Variants in GNB1L observed in about 807,000 individuals in gnomAD.
GNB1L encodes the protein G protein subunit beta 1 like.
A neutral mutation model predicts 29.1 loss-of-function variants in GNB1L; 20 were observed. The observed-to-expected ratio is 0.69, with a 90% CI of 0.48 to 1.00. The LOEUF is 1.00. Among genes scored for constraint, GNB1L ranks in the 50% least tolerant of loss-of-function variants. The probability of loss-of-function intolerance (pLI) is 0.00; values close to 1 mark genes in which losing one functional copy is unlikely to be tolerated. For missense variants in GNB1L, 421 were observed against 464.9 expected (o/e 0.91, Z 0.87); for synonymous variants, 193 against 206.5 (o/e 0.93, Z 0.56).
At chr22:19,852,098 G>A in intron 2 of GNB1L, 1 of 1,614,238 alleles carries the variant, frequency 6.2e-7, no homozygotes, top group Non-Finnish European at 8.5e-7. Flanking sequence ...CACACACACG[G>A]TGTCCCCACA....
chr22:19,806,576 CG>C, intron 6 of GNB1L, 82 bp downstream of exon 6: 1 of 863,800 alleles, frequency 1.2e-6, no homozygotes, highest in Non-Finnish European at 1.8e-6. Context: ...AGTGGCTCGA[CG>C]ATAAATCAGA....
At chr22:19,806,570 G>A in intron 6 of GNB1L, 89 bp downstream of exon 6, 1 of 805,982 alleles carries the variant, frequency 1.2e-6, no homozygotes, top group Non-Finnish European at 2.0e-6. Flanking sequence ...TGCCTGAGTG[G>A]CTCGACGATA....
chr22:19,833,458 C>A (rs1395760948), intron 2 of GNB1L, among the ~76,000 whole-genome samples: 1 of 151,994 alleles, frequency 6.6e-6, no homozygotes, highest in Non-Finnish European at 1.5e-5. Context: ...GTAATCTCTG[C>A]ACTTTGGGAG....
At chr22:19,851,065 C>T in intron 2 of GNB1L, 1 of 1,464,082 alleles carries the variant, frequency 6.8e-7, no homozygotes, top group African/African-American at 1.4e-5. Flanking sequence ...GGTCTGAAGT[C>T]ATCTGGGGAC....
chr22:19,852,149 G>A (rs1471669159), intron 2 of GNB1L: 15 of 1,614,010 alleles, frequency 9.3e-6, no homozygotes, highest in Non-Finnish European at 1.3e-5. Flanking sequence ...GGGGGTGTAT[G>A]CCACCCCAGG....
At chr22:19,811,769 C>T (rs1359394982) in intron 5 of GNB1L, among the ~76,000 whole-genome samples, 1 of 151,116 alleles carries the variant, frequency 6.6e-6, no homozygotes, top group East Asian at 2.0e-4. Context: ...ACCCACCCAT[C>T]CCAGCCCTGG....
intron 6 of GNB1L, among the ~76,000 whole-genome samples, chr22:19,802,633 C>T (rs1937387930): frequency 6.6e-6 from 1 of 152,246 alleles, no homozygotes; most frequent in Non-Finnish European, 1.5e-5. Flanking sequence ...AGGGACCTGT[C>T]CTCCTGCCTC....
chr22:19,806,596 G>A (rs1937437462), intron 6 of GNB1L, 63 bp downstream of exon 6: 26 of 994,934 alleles, frequency 2.6e-5, no homozygotes, highest in Admixed American at 1.4e-4. Context: ...GATCCTGAAT[G>A]GAGCATGACT....
At chr22:19,844,037 C>T (rs924515258) in intron 2 of GNB1L, among the ~76,000 whole-genome samples, 1 of 152,176 alleles carries the variant, frequency 6.6e-6, no homozygotes, top group Non-Finnish European at 1.5e-5. Flanking sequence ...GGGCTGGCCA[C>T]CAGCACTTCT....
chr22:19,840,578 G>C (rs369174890), intron 2 of GNB1L, among the ~76,000 whole-genome samples: 2 of 152,290 alleles, frequency 1.3e-5, no homozygotes, highest in African/African-American at 2.4e-5. Context: ...GGGAGGTCGA[G>C]GCGGGTGGAT....
intron 5 of GNB1L, 31 bp from the exon 6 acceptor site, chr22:19,806,788 C>T (rs776946122): frequency 1.8e-5 from 27 of 1,478,042 alleles, no homozygotes; most frequent in Non-Finnish European, 2.1e-5. Flanking sequence ...TGATTTGGGC[C>T]GTCGCCAAGT....
rs1937189532 is a variant in GNB1L at position 19,786,073 on chromosome 22, C to T, written c.*2636G>A. On this transcript the variant is annotated 3_prime_UTR_variant, in exon 8 of 8. Transcript: ENST00000329517. ...CAGCTCAGCCAGGTGAATGAAAGTC[C>T]TGGGCCTGCCCTCCACAGGACGTCT... The T allele has an allele frequency of 6.6e-6, 1 of 152,328 alleles. No homozygotes were observed. The highest frequency in any genetic ancestry group is 2.4e-5 in the African/African-American group (1 of 41,464). 9.4% of individuals were successfully genotyped at this position (152,328 alleles called of 1,614,324 possible).
rs1937264531 is a variant in GNB1L at position 19,792,658 on chromosome 22, C to T, written c.733-3698G>A. ...CTGTTGGCCTGGGCTGAGAAGAAAG[C>T]TGCTGGCAAACGGGACGTCCCCACC... On this transcript the variant is annotated intron_variant, in intron 7 of 7. Transcript: ENST00000329517. 6 of 1,527,534 alleles carry T rather than the reference C, an allele frequency of 3.9e-6. No homozygotes were observed. In the East Asian group the frequency reaches 1.4e-4, roughly 35 times the overall value. 94.6% of individuals were successfully genotyped at this position (1,527,534 alleles called of 1,614,324 possible).
intron 4 of GNB1L, 25 bp downstream of exon 4, chr22:19,820,573 T>G (rs747204856): frequency 6.9e-6 from 11 of 1,602,014 alleles, no homozygotes; most frequent in Admixed American, 3.4e-5. Context: ...AGGCCATACC[T>G]GGCTCCTGCA....
At chr22:19,843,235 G>A (rs916280839) in intron 2 of GNB1L, among the ~76,000 whole-genome samples, 3 of 152,230 alleles carry the variant, frequency 2.0e-5, no homozygotes, top group Admixed American at 1.3e-4. Flanking sequence ...CCTCCCATTC[G>A]GTTATTAAAT....
chr22:19,789,836 C>CAA (rs574569982), intron 7 of GNB1L, among the ~76,000 whole-genome samples: 14 of 107,726 alleles, frequency 1.3e-4, no homozygotes, highest in East Asian at 1.2e-3. Flanking sequence ...GACCCTGTCT[C>CAA]AAAAAAAAAA....
At chr22:19,852,815 A>C (rs1938140906) in intron 2 of GNB1L, among the ~76,000 whole-genome samples, 1 of 152,120 alleles carries the variant, frequency 6.6e-6, no homozygotes, top group African/African-American at 2.4e-5. Context: ...TGGTACTAGC[A>C]TTGTCTTTGA....
chr22:19,826,654 G>A (rs1457364544), intron 2 of GNB1L, among the ~76,000 whole-genome samples: 1 of 152,168 alleles, frequency 6.6e-6, no homozygotes, highest in East Asian at 1.9e-4. Flanking sequence ...GTTGCGCCAA[G>A]GTATTACTCT....
At chr22:19,799,739 G>A (rs1937347791) in intron 7 of GNB1L, among the ~76,000 whole-genome samples, 2 of 152,190 alleles carry the variant, frequency 1.3e-5, no homozygotes, top group South Asian at 4.1e-4. Flanking sequence ...ACACCTGTGG[G>A]TGCTGAGGAC....
Sources: allele counts gnomAD v4.1 joint callset (sites outside exome capture counted in the v4.1 genomes callset), GRCh38; gene constraint gnomAD v4.1.1; transcripts MANE v1.5; gene names NCBI Gene and HGNC (gene_info 2026-07-23, HGNC 2026-07-21).